Variants in AMPD2 observed in about 807,000 individuals in gnomAD.
AMPD2 encodes adenosine monophosphate deaminase 2, also known as AMP deaminase 2.
AMPD2 carries 52 observed loss-of-function variants against 91.3 expected under a neutral mutation model. That is an observed-to-expected ratio of 0.57 (90% CI 0.46 to 0.72). The LOEUF (loss-of-function observed/expected upper bound fraction) is 0.72, where lower values mean the gene tolerates loss of function less well. Ranked by LOEUF, AMPD2 falls within the 30% of genes least tolerant of loss-of-function variation. AMPD2 has a pLI of 0.00. For missense variants in AMPD2, 822 were observed against 1,122.3 expected (o/e 0.73, Z 3.82); for synonymous variants, 455 against 456.4 (o/e 1.00, Z 0.04).
chr1:109,621,452 G>GGGGGGGGGGT, intron 2 of AMPD2, 186 bp downstream of exon 2: 1 of 653,896 alleles, frequency 1.5e-6, no homozygotes, highest in South Asian at 1.6e-5. Flanking sequence ...GGGGCGGGGG[G>GGGGGGGGGGT]TGGATCTGAG....
intron 17 of AMPD2, 132 bp from the exon 18 acceptor site, chr1:109,630,551 T>C: frequency 1.5e-6 from 1 of 682,696 alleles, no homozygotes; most frequent in Non-Finnish European, 2.0e-6. Context: ...TGACAAGTCT[T>C]ATGGAGTTGA....
At chr1:109,627,645 G>A (rs538417472) in intron 9 of AMPD2, 127 bp downstream of exon 9, 50 of 1,513,598 alleles carry the variant, frequency 3.3e-5, no homozygotes, top group East Asian at 9.1e-5. Context: ...CGACTTCCCC[G>A]CAGTCTACTT....
chr1:109,630,991 G>A lies in AMPD2; in HGVS notation c.2317G>A (p.Gly773Arg). 1 of 1,614,170 alleles carries A rather than the reference G, an allele frequency of 6.2e-7. No individual in the cohort carries two copies. Among genetic ancestry groups the A allele is most frequent in the Non-Finnish European group, 8.5e-7 (1 of 1,180,028 alleles). Residue 773 changes from glycine (G) to arginine (R), a missense_variant, in exon 19 of 19, where the codon GGG (glycine) becomes AGG (arginine). Gly to Arg is a moderately radical substitution (Grantham distance 125). This residue lies in a region of AMPD2 where 430 missense variants were observed against 606.0 expected (regional missense o/e 0.71). Transcript: ENST00000528667. ...GPNYTKEGPE[G>R]NDIRRTNVPD... Reference sequence around the variant, plus strand: ...CAACTATACCAAGGAAGGCCCTGAGGGGAATGACATCCGCCGGACCAATGT... The same window carrying A: ...CAACTATACCAAGGAAGGCCCTGAGAGGAATGACATCCGCCGGACCAATGT...
intron 16 of AMPD2, 94 bp from the exon 17 acceptor site, chr1:109,630,139 C>G: frequency 7.0e-7 from 1 of 1,433,824 alleles, no homozygotes; most frequent in Non-Finnish European, 9.7e-7. Context: ...TCCCCTCCCC[C>G]TGCCCTCTGC....
chr1:109,630,207 G>GCCCT lies in AMPD2; in HGVS notation c.1984-17_1984-14dup. On this transcript the variant is annotated intron_variant, in intron 16 of 18. Coordinates refer to ENST00000528667, the MANE Select transcript of AMPD2 (RefSeq NM_001368809.2). ...GCCCAGCCTCGGGGCCACCTGACAG[G>GCCCT]CCCTCCCTCCCTGTTGCCTGCCCAG... The GCCCT allele has an allele frequency of 1.9e-6, 3 of 1,608,824 alleles. No individual in the cohort carries two copies. In the East Asian group the frequency reaches 6.7e-5, roughly 36 times the overall value.
rs1374454690 is a variant in AMPD2 at position 109,628,823 on chromosome 1, T to G, written c.1571+17T>G. The G allele has an allele frequency of 6.4e-7, 1 of 1,550,568 alleles. No homozygotes were observed. Among genetic ancestry groups the G allele is most frequent in the South Asian group, 1.2e-5 (1 of 85,014 alleles). On this transcript the variant is annotated intron_variant, in intron 13 of 18. Coordinates refer to ENST00000528667, the MANE Select transcript of AMPD2 (RefSeq NM_001368809.2). The surrounding 1 kb of genome is among the most constrained non-coding windows in gnomAD (Gnocchi z 7.1). Reference sequence around the variant, plus strand: ...CCGCCTCTTGTGAGTGTCCCTGGAGTGGGAGGGGAACCTGCGGGGTCATAT... The same window carrying G: ...CCGCCTCTTGTGAGTGTCCCTGGAGGGGGAGGGGAACCTGCGGGGTCATAT...
In AMPD2 at chr1:109,628,512, C is replaced by G; in HGVS notation, c.1407+17C>G. 1 of 1,612,214 alleles carries G rather than the reference C, an allele frequency of 6.2e-7. No individual in the cohort carries two copies. The highest frequency in any genetic ancestry group is 8.5e-7 in the Non-Finnish European group (1 of 1,179,948). On this transcript the variant is annotated intron_variant, in intron 12 of 18. Transcript: ENST00000528667. This position sits in a 1 kb window ranked among gnomAD's most constrained non-coding sequence, Gnocchi z 7.1. ...ATCATCAAGGTAAGGAGGCAGCCTT[C>G]CCTGCCAAGCCTCGAGCCTGAGGAT...
Position 109,629,215 on chromosome 1 carries a change from C to G in AMPD2, c.1678C>G (p.Leu560Val), listed in dbSNP as rs374936599. 5.0e-6 allele frequency: 8 copies of G among 1,614,086 alleles called. No individual in the cohort carries two copies. The highest frequency in any genetic ancestry group is 1.7e-5 in the Admixed American group (1 of 60,012). Residue 560 changes from leucine (L) to valine (V), a missense_variant, in exon 14 of 19, where the codon CTG becomes GTG. By Grantham distance (32) the Leu-to-Val change is conservative. Coordinates refer to ENST00000528667, the MANE Select transcript of AMPD2 (RefSeq NM_001368809.2). The part of the protein sequence containing the change: ...ATVHPASHPE[L>V]HLFLEHVDGF... ...TGTGCACCCTGCCAGCCACCCGGAA[C>G]TGCATCTCTTCTTAGAGCACGTGAG...
In AMPD2 at chr1:109,624,206, C is replaced by A; in HGVS notation, c.92-1097C>A. 1 of 460,258 alleles carries A rather than the reference C, an allele frequency of 2.2e-6. No individual in the cohort carries two copies. Among genetic ancestry groups the A allele is most frequent in the Non-Finnish European group, 2.9e-6 (1 of 349,656 alleles). The allele number at this position is 460,258 out of a possible 1,614,324, so 28.5% of individuals were successfully genotyped here. On this transcript the variant is annotated intron_variant, in intron 2 of 18. Coordinates refer to ENST00000528667, the MANE Select transcript of AMPD2 (RefSeq NM_001368809.2). This position sits in a 1 kb window ranked among gnomAD's most constrained non-coding sequence, Gnocchi z 5.2. ...CAGTCCTGGAGTATTGGGAAATGGG[C>A]GCAGAGACTTTAAGGCCGGCTACCT...
chr1:109,627,576 C>G lies in AMPD2; in HGVS notation c.950+58C>G. ...CCCTCCCAGCCCAGATTCTCCAGCCCCAGTTCTGCCCCAGACTCCCATCAC... is the reference window on the plus strand; with the variant it reads ...CCCTCCCAGCCCAGATTCTCCAGCCGCAGTTCTGCCCCAGACTCCCATCAC... On this transcript the variant is annotated intron_variant, in intron 9 of 18. Coordinates refer to ENST00000528667, the MANE Select transcript of AMPD2 (RefSeq NM_001368809.2). The G allele has an allele frequency of 6.3e-6, 10 of 1,597,594 alleles. No individual in the cohort carries two copies. In the East Asian group the frequency reaches 2.2e-4, roughly 36 times the overall value.
rs746012568 is a variant in AMPD2 at position 109,626,901 on chromosome 1, C to T, written c.707C>T (p.Pro236Leu). 1 of 1,612,548 alleles carries T rather than the reference C, an allele frequency of 6.2e-7. No homozygotes were observed. The highest frequency in any genetic ancestry group is 2.2e-5 in the East Asian group (1 of 44,868). The part of the protein sequence containing the change: ...TRTYEQGPDT[P>L]VSADAPVHPP... ...ACCTATGAACAGGGCCCCGACACCC[C>T]TGTGTCTGCTGGTGGGACTCCCCAT... is the stretch of plus-strand genomic sequence containing the variant. The change falls in exon 7 of 19, where the codon CCT (proline) becomes CTT (leucine). Residue 236 changes from proline (P) to leucine (L), a missense_variant. Physicochemically the swap from Pro to Leu is moderately conservative, Grantham distance 98. This residue lies in a region of AMPD2 where 240 missense variants were observed against 270.3 expected (regional missense o/e 0.89). Transcript: ENST00000528667.
At chr1:109,623,443 C>T (rs569876175) in intron 2 of AMPD2, among the ~76,000 whole-genome samples, 10 of 152,298 alleles carry the variant, frequency 6.6e-5, no homozygotes, top group East Asian at 5.8e-4. Context: ...TAGGGGCCTG[C>T]GAACCAGCCC....
chr1:109,625,838 G>C lies in AMPD2; in HGVS notation c.353+46G>C. 1 of 1,608,778 alleles carries C rather than the reference G, an allele frequency of 6.2e-7. No individual in the cohort carries two copies. Among genetic ancestry groups the C allele is most frequent in the Non-Finnish European group, 8.5e-7 (1 of 1,176,534 alleles). On this transcript the variant is annotated intron_variant, in intron 4 of 18. Coordinates refer to ENST00000528667, the MANE Select transcript of AMPD2 (RefSeq NM_001368809.2). This position sits in a 1 kb window ranked among gnomAD's most constrained non-coding sequence, Gnocchi z 4.0. ...CTTAGTCTCCCTCCATACCCTTCCA[G>C]ACCCTTTCAGAGCCCCTTTTCTGCC...
Position 109,625,232 on chromosome 1 carries a change from G to A in AMPD2, c.92-71G>A, listed in dbSNP as rs1650558032. 2 of 1,575,284 alleles carry A rather than the reference G, an allele frequency of 1.3e-6. No individual in the cohort carries two copies. The highest frequency in any genetic ancestry group is 3.5e-5 in the Admixed American group (2 of 57,184). ...TGGGCTCTCTCGGGAGCTGGCCTAG[G>A]CAGGGCAGGGGCCCAGGGCTTTCAG... On this transcript the variant is annotated intron_variant, in intron 2 of 18. Transcript: ENST00000528667. This position sits in a 1 kb window ranked among gnomAD's most constrained non-coding sequence, Gnocchi z 4.0.
Position 109,628,366 on chromosome 1 carries a change from C to T in AMPD2, c.1278C>T (p.Asp426=), listed in dbSNP as rs1439699163. ...LSVDTLDVHA[D]RNTFHRFDKF... is the part of the protein sequence containing the mutation. Reference sequence around the variant, plus strand: ...CTGAGCCTTCCCATGTCCCCCAGGACAGGAACACTTTCCATCGCTTTGACA... The same window carrying T: ...CTGAGCCTTCCCATGTCCCCCAGGATAGGAACACTTTCCATCGCTTTGACA... The change falls in exon 12 of 19, where the codon GAC becomes GAT. Residue 426 remains aspartate (D), a splice_region_variant and synonymous_variant. Coordinates refer to ENST00000528667, the MANE Select transcript of AMPD2 (RefSeq NM_001368809.2). This position sits in a 1 kb window ranked among gnomAD's most constrained non-coding sequence, Gnocchi z 7.1. The T allele has an allele frequency of 6.2e-7, 1 of 1,613,966 alleles. No individual in the cohort carries two copies. Among genetic ancestry groups the T allele is most frequent in the East Asian group, 2.2e-5 (1 of 44,894 alleles).
chr1:109,631,579 G>C lies in AMPD2; in HGVS notation c.*427G>C. 3.8e-6 allele frequency: 1 copy of C among 264,070 alleles called. No homozygotes were observed. 16.4% of individuals were successfully genotyped at this position (264,070 alleles called of 1,614,324 possible). A position where few individuals can be genotyped will look rare whatever the true frequency, so the allele number is the denominator to read the frequency against. Reference sequence around the variant, plus strand: ...GTTCATGTAGCCGAGGGGCAGGCGGGGGACCTCTACACCTCTGCTGTGGGC... The same window carrying C: ...GTTCATGTAGCCGAGGGGCAGGCGGCGGACCTCTACACCTCTGCTGTGGGC... On this transcript the variant is annotated 3_prime_UTR_variant, in exon 19 of 19. Transcript: ENST00000528667.
Position 109,626,254 on chromosome 1 carries a change from G to C in AMPD2, c.422+26G>C, listed in dbSNP as rs553616355. The C allele has an allele frequency of 1.5e-5, 24 of 1,613,834 alleles. No homozygotes were observed. The African/African-American group carries it at 2.7e-4, about 18-fold the overall frequency. ...GTGAGGAGGGCAGAGGGGCACAGGG[G>C]ATGCGGAGCTGCAGCCTGCCCTTCT... is the stretch of plus-strand genomic sequence containing the variant. On this transcript the variant is annotated intron_variant, in intron 5 of 18. Transcript: ENST00000528667.
At position 109,628,620 on chromosome 1, in the gene AMPD2, G is replaced by T; in HGVS notation, c.1408-23G>T. 1.2e-6 allele frequency: 2 copies of T among 1,611,864 alleles called. No homozygotes were observed. Among genetic ancestry groups the T allele is most frequent in the South Asian group, 1.1e-5 (1 of 90,920 alleles). The stretch of plus-strand genomic sequence containing the variant: ...CTCTGACTCAGCTCACCTCATGTCT[G>T]ACTCAGCTCACCTCATGTCTAGGAG... On this transcript the variant is annotated intron_variant, in intron 12 of 18. Coordinates refer to ENST00000528667, the MANE Select transcript of AMPD2 (RefSeq NM_001368809.2). The surrounding 1 kb of genome is among the most constrained non-coding windows in gnomAD (Gnocchi z 7.1).
chr1:109,630,110 C>T (rs1283292192), intron 16 of AMPD2, 123 bp from the exon 17 acceptor site: 3 of 1,353,060 alleles, frequency 2.2e-6, no homozygotes, highest in Non-Finnish European at 3.1e-6. Flanking sequence ...ACCCTTTGCA[C>T]ATCAGGCCAA....
Sources: gnomAD v4.1 joint callset for allele counts (sites outside exome capture counted in the v4.1 genomes callset) on GRCh38, gnomAD v4.1.1 for gene constraint, gnomAD v4.1.1 regional missense constraint, Gnocchi (gnomAD v3.1) non-coding constraint, MANE v1.5 for transcripts, NCBI Gene and HGNC (gene_info 2026-07-23, HGNC 2026-07-21) for gene names.